PCCA: variants seen among roughly 807,000 people sequenced by gnomAD.
The protein encoded by PCCA is propionyl-CoA carboxylase subunit alpha, also known as propionyl-CoA carboxylase alpha chain, mitochondrial.
PCCA carries 74 observed loss-of-function variants against 101.3 expected under a neutral mutation model. That is an observed-to-expected ratio of 0.73 (90% confidence interval 0.61 to 0.89). The LOEUF (loss-of-function observed/expected upper bound fraction) is 0.89. Ranked by LOEUF, PCCA falls within the 40% of genes least tolerant of loss-of-function variation. The pLI, the probability that PCCA is intolerant of heterozygous loss-of-function variation, is 0.00. For missense variants in PCCA, 891 were observed against 907.0 expected, an observed-to-expected ratio of 0.98 and a Z score of 0.23; for synonymous variants, 294 against 313.6, an observed-to-expected ratio of 0.94 and a Z score of 0.66.
intron 21 of PCCA, among the ~76,000 whole-genome samples, chr13:100,485,438 A>G (rs1023439706): frequency 3.3e-5 from 5 of 152,222 alleles, no homozygotes; most frequent in Non-Finnish European, 7.3e-5. Context: ...TATAACAGCT[A>G]CTTACAAACC....
At chr13:100,169,179 C>T (rs866578115) in intron 6 of PCCA, among the ~76,000 whole-genome samples, 3 of 151,788 alleles carry the variant, frequency 2.0e-5, no homozygotes, top group Admixed American at 1.3e-4. Context: ...CAGTGGCTCA[C>T]GCTTGTAATC....
intron 19 of PCCA, among the ~76,000 whole-genome samples, chr13:100,424,226 T>A (rs1390298689): frequency 6.6e-6 from 1 of 152,158 alleles, no homozygotes; most frequent in African/African-American, 2.4e-5. Flanking sequence ...TATGGAAGAA[T>A]GTGCCTGGGT....
At chr13:100,415,459 A>G (rs1176421818) in intron 19 of PCCA, among the ~76,000 whole-genome samples, 1 of 152,202 alleles carries the variant, frequency 6.6e-6, no homozygotes, top group Non-Finnish European at 1.5e-5. Context: ...CAGTTTGTGC[A>G]GAACAGTCAC....
intron 20 of PCCA, among the ~76,000 whole-genome samples, chr13:100,442,894 G>A (rs1408400729): frequency 6.6e-6 from 1 of 152,162 alleles, no homozygotes; most frequent in African/African-American, 2.4e-5. Context: ...CAAAGCAGAG[G>A]CTCTGAAACG....
rs989575112 is a variant in PCCA, at chr13:100,373,847, C to T, written c.1746+5273C>T. Among the ~76,000 whole-genome samples the T allele has an allele frequency of 2.0e-5, 3 of 152,158 alleles. No homozygotes were observed. In the South Asian group the frequency reaches 6.2e-4, roughly 32 times the overall value. ...AGGGTTGTGGCCAGGTGCAGTGGCTCACACCTGTAATCCCAGCACTTTGGG... is the reference window on the plus strand; with the variant it reads ...AGGGTTGTGGCCAGGTGCAGTGGCTTACACCTGTAATCCCAGCACTTTGGG... On this transcript the variant is annotated intron_variant, in intron 19 of 23. Transcript: ENST00000376285.
In PCCA at chr13:100,423,722, CT is replaced by C. The variant is rs556319689; in HGVS notation, c.1747-1910del. On this transcript the variant is annotated intron_variant, in intron 19 of 23. Transcript: ENST00000376285. ...ATTTGTGAGTAAACAGGATCTTGGC[CT>C]CTGTTGGTTTAAACAGTCTCTTTGG... is the stretch of plus-strand genomic sequence containing the variant. 1.3e-3 allele frequency among the ~76,000 whole-genome samples: 204 copies of C among 152,206 alleles called. 1 individual carries two copies. Among genetic ancestry groups the C allele is most frequent in the Non-Finnish European group, 2.3e-3 (157 of 68,034 alleles).
chr13:100,101,022 C>T (rs1443340400), intron 1 of PCCA, among the ~76,000 whole-genome samples: 1 of 152,082 alleles, frequency 6.6e-6, no homozygotes, highest in Non-Finnish European at 1.5e-5. Flanking sequence ...AGGCTGGTCT[C>T]GAACTCCCAA....
chr13:100,368,623 A>C (rs1034902048), intron 19 of PCCA, 49 bp downstream of exon 19: 1 of 1,157,660 alleles, frequency 8.6e-7, no homozygotes, highest in African/African-American at 1.5e-5. Context: ...TTATCTATGA[A>C]TATTTAAAGC....
intron 21 of PCCA, among the ~76,000 whole-genome samples, chr13:100,471,854 G>A (rs1024619836): frequency 1.3e-5 from 2 of 152,148 alleles, no homozygotes; most frequent in Non-Finnish European, 2.9e-5. Flanking sequence ...AGGGAGAAGG[G>A]GACACTGGGG....
In PCCA at chr13:100,498,432, AAG is replaced by A. The variant is rs143424011; in HGVS notation, c.1900-16992_1900-16991del. Among the ~76,000 whole-genome samples the A allele has an allele frequency of 2.0e-3, 300 of 152,300 alleles. 3 individuals carry two copies. The highest frequency in any genetic ancestry group is 6.2e-3 in the African/African-American group (259 of 41,562). ...GGAAACACGCCCGTATTAGTGACTG[AAG>A]AGCCTGCAAATGAAAGCTTTACAAA... On this transcript the variant is annotated intron_variant, in intron 21 of 23. Transcript: ENST00000376285.
chr13:100,099,782 T>G (rs1020165303), intron 1 of PCCA, among the ~76,000 whole-genome samples: 3 of 152,162 alleles, frequency 2.0e-5, no homozygotes, highest in Non-Finnish European at 2.9e-5. Flanking sequence ...TATGCAAGAC[T>G]GTGCTAGCCA....
chr13:100,234,137 G>A (rs1031485662), intron 7 of PCCA, among the ~76,000 whole-genome samples: 1 of 152,058 alleles, frequency 6.6e-6, no homozygotes, highest in Non-Finnish European at 1.5e-5. Flanking sequence ...CCTGTATTTT[G>A]TTCAAGAGGC....
chr13:100,094,350 C>T (rs559224068), intron 1 of PCCA, among the ~76,000 whole-genome samples: 1 of 151,622 alleles, frequency 6.6e-6, no homozygotes, highest in East Asian at 1.9e-4. Flanking sequence ...TTTGACAACA[C>T]TCTTGAATAG....
chr13:100,191,427 A>T (rs1236991538), intron 6 of PCCA, among the ~76,000 whole-genome samples: 5 of 152,184 alleles, frequency 3.3e-5, no homozygotes, highest in African/African-American at 1.2e-4. Context: ...CTTGTGTCGC[A>T]GCTTACTACG....
At chr13:100,124,182 G>A (rs2049719821) in intron 4 of PCCA, among the ~76,000 whole-genome samples, 1 of 152,008 alleles carries the variant, frequency 6.6e-6, no homozygotes, top group African/African-American at 2.4e-5. Context: ...ATCTCATCAG[G>A]TTAAATGAAA....
intron 20 of PCCA, among the ~76,000 whole-genome samples, chr13:100,438,441 C>T (rs528426121): frequency 6.6e-6 from 1 of 152,246 alleles, no homozygotes; most frequent in East Asian, 1.9e-4. Flanking sequence ...CCACCACTCC[C>T]AGCAAAGCCA....
chr13:100,301,644 C>T, intron 13 of PCCA, 41 bp downstream of exon 13: 1 of 1,611,360 alleles, frequency 6.2e-7, no homozygotes, highest in Non-Finnish European at 8.5e-7. Flanking sequence ...GTGGTTATGT[C>T]CAGAGTCATG....
chr13:100,185,583 G>A (rs1015416495), intron 6 of PCCA, among the ~76,000 whole-genome samples: 10 of 151,848 alleles, frequency 6.6e-5, no homozygotes, highest in Non-Finnish European at 1.5e-4. Flanking sequence ...CTGGGCTCAA[G>A]TAATATGCCT....
chr13:100,395,969 T>A (rs1383676882), intron 19 of PCCA, among the ~76,000 whole-genome samples: 2 of 152,260 alleles, frequency 1.3e-5, no homozygotes, highest in African/African-American at 4.8e-5. Context: ...ATAGTTTTCC[T>A]CTGTTATCTT....
Sources: allele counts gnomAD v4.1 joint callset (sites outside exome capture counted in the v4.1 genomes callset), GRCh38; gene constraint gnomAD v4.1.1; transcripts MANE v1.5; gene names NCBI Gene and HGNC (gene_info 2026-07-23, HGNC 2026-07-21).